Variants in RFWD3 observed in about 807,000 individuals in gnomAD.
The protein encoded by RFWD3 is ring finger and WD repeat domain 3, also known as E3 ubiquitin-protein ligase RFWD3.
Under a neutral mutation model 87.7 loss-of-function variants are expected in RFWD3, and 65 were observed. The ratio of observed to expected loss-of-function variants is 0.74; its 90% CI spans 0.61 to 0.91. RFWD3 has a LOEUF of 0.91. Among genes scored for constraint, RFWD3 ranks in the 40% least tolerant of loss-of-function variants. The pLI is 0.00. For missense variants in RFWD3, 1,078 were observed against 938.5 expected (o/e 1.15, Z -1.94); for synonymous variants, 433 against 352.8 (o/e 1.23, Z -2.55).
At chr16:74,660,710 GCCAACAAACTA>G in intron 2 of RFWD3, 2 of 534,456 alleles carry the variant, frequency 3.7e-6, no homozygotes, top group East Asian at 6.4e-5. Context: ...TACAGAGATT[GCCAACAAACTA>G]CCACCTAGTT....
chr16:74,648,414 C>CA (rs1960325871), intron 4 of RFWD3, among the ~76,000 whole-genome samples: 1 of 151,298 alleles, frequency 6.6e-6, no homozygotes, highest in South Asian at 2.1e-4. Flanking sequence ...CTTGGCCTCC[C>CA]AAAGTGCTGG....
chr16:74,632,711 A>C (rs1017872306), intron 8 of RFWD3, 38 bp from the exon 9 acceptor site: 2 of 1,605,090 alleles, frequency 1.2e-6, no homozygotes, highest in African/African-American at 2.7e-5. Context: ...GATCACTGAA[A>C]GTGAACCTAG....
rs1567582753 is a variant in RFWD3, at chr16:74,652,123, C to T, written c.519-1G>A. The T allele has an allele frequency of 1.9e-6, 3 of 1,613,506 alleles. No individual in the cohort carries two copies. Among genetic ancestry groups the T allele is most frequent in the Non-Finnish European group, 8.5e-7 (1 of 1,179,646 alleles). ...GTAAGCATCCAATGGTGCTCTCAAC[C>T]TATGTACACAGAAAGACAACGGAAT... On this transcript the variant is annotated splice_acceptor_variant, in intron 2 of 12. Coordinates refer to ENST00000361070, the MANE Select transcript of RFWD3 (RefSeq NM_018124.4). LOFTEE classifies it high-confidence loss of function.
rs1483829901 is a variant in RFWD3 at position 74,660,807 on chromosome 16, G to C, written c.518+125C>G. 4.0e-6 allele frequency: 4 copies of C among 1,008,358 alleles called. No individual in the cohort carries two copies. In the East Asian group the frequency reaches 9.6e-5, roughly 24 times the overall value. The allele number at this position is 1,008,358 out of a possible 1,614,324, so 62.5% of individuals were successfully genotyped here. On this transcript the variant is annotated intron_variant, in intron 2 of 12. Transcript: ENST00000361070. ...CAAGCACTTTTATTTCCACCTATGA[G>C]GAACTGGGGGTCAGAAGTTACCTGA...
At chr16:74,666,598 G>C (rs897716951) in intron 1 of RFWD3, 188 bp downstream of exon 1, 1 of 152,260 alleles carries the variant, frequency 6.6e-6, no homozygotes, top group Non-Finnish European at 1.5e-5. Context: ...GCGGGGGTTC[G>C]GGCTCCTTAG....
intron 3 of RFWD3, among the ~76,000 whole-genome samples, chr16:74,650,807 G>T (rs1960504873): frequency 6.6e-6 from 1 of 151,854 alleles, no homozygotes; most frequent in Non-Finnish European, 1.5e-5. Context: ...AGCCTGGGAG[G>T]TCAAGGCTGC....
At position 74,644,686 on chromosome 16, in the gene RFWD3, T is replaced by A. The variant is rs371419710; in HGVS notation, c.842A>T (p.Glu281Val). ...EPLLPSASMD[E>V]EEGDTCTICL... Reference sequence around the variant, plus strand: ...TATTGTACAAGTGTCCCCTTCTTCCTCATCCATAGAAGCAGAAGGTAGCAG... The same window carrying A: ...TATTGTACAAGTGTCCCCTTCTTCCACATCCATAGAAGCAGAAGGTAGCAG... The change falls in exon 5 of 13, where the codon GAG (glutamate) becomes GTG (valine). Residue 281 changes from glutamate (E) to valine (V), a missense_variant. By Grantham distance (121) the Glu-to-Val change is moderately radical. Coordinates refer to ENST00000361070, the MANE Select transcript of RFWD3 (RefSeq NM_018124.4). 6.2e-7 allele frequency: 1 copy of A among 1,614,194 alleles called. No individual in the cohort carries two copies. The highest frequency in any genetic ancestry group is 8.5e-7 in the Non-Finnish European group (1 of 1,180,030).
intron 4 of RFWD3, 73 bp from the exon 5 acceptor site, chr16:74,644,808 A>G: frequency 7.0e-7 from 1 of 1,435,446 alleles, no homozygotes; most frequent in Admixed American, 2.1e-5. Context: ...TGCAACTAAG[A>G]AATTAACAGA....
chr16:74,644,184 A>T (rs1959915972), intron 6 of RFWD3, 178 bp downstream of exon 6: 1 of 665,030 alleles, frequency 1.5e-6, no homozygotes, highest in Non-Finnish European at 2.7e-6. Flanking sequence ...CTTCCTTAAG[A>T]AGATGATCAG....
rs370953400 is a variant in RFWD3 at position 74,639,263 on chromosome 16, C to A, written c.1080-1293G>T. ...ATGTTGCCCAGGCTGGTCTCAAACT[C>A]CTGGCCTCAAGTGATCCACCTGCCT... is the stretch of plus-strand genomic sequence containing the variant. On this transcript the variant is annotated intron_variant, in intron 6 of 12. Coordinates refer to ENST00000361070, the MANE Select transcript of RFWD3 (RefSeq NM_018124.4). 3.9e-5 allele frequency among the ~76,000 whole-genome samples: 6 copies of A among 152,270 alleles called. No homozygotes were observed. The South Asian group carries it at 8.3e-4, about 21-fold the overall frequency.
chr16:74,666,451 G>A (rs1027835739), intron 1 of RFWD3: 2 of 152,248 alleles, frequency 1.3e-5, no homozygotes, highest in Non-Finnish European at 2.9e-5. Context: ...AGGAGCCCGA[G>A]GCTAGGCTCT....
At chr16:74,655,955 T>C (rs1434384945) in intron 2 of RFWD3, among the ~76,000 whole-genome samples, 1 of 152,204 alleles carries the variant, frequency 6.6e-6, no homozygotes, top group Admixed American at 6.5e-5. Context: ...AATATATTAC[T>C]GCTCATTGAC....
Position 74,644,682 on chromosome 16 carries a change from T to C in RFWD3, c.846A>G (p.Glu282=), listed in dbSNP as rs1198521479. Residue 282 remains glutamate (E), a synonymous_variant, in exon 5 of 13, where the codon GAA becomes GAG. Coordinates refer to ENST00000361070, the MANE Select transcript of RFWD3 (RefSeq NM_018124.4). ...GACATATTGTACAAGTGTCCCCTTC[T>C]TCCTCATCCATAGAAGCAGAAGGTA... is the stretch of plus-strand genomic sequence containing the variant. The part of the protein sequence containing the change: ...PLLPSASMDE[E]EGDTCTICLE... The C allele has an allele frequency of 6.2e-7, 1 of 1,614,226 alleles. No homozygotes were observed. Among genetic ancestry groups the C allele is most frequent in the Admixed American group, 1.7e-5 (1 of 60,016 alleles).
intron 11 of RFWD3, among the ~76,000 whole-genome samples, chr16:74,626,928 C>G (rs1292398398): frequency 6.6e-6 from 1 of 152,142 alleles, no homozygotes; most frequent in Non-Finnish European, 1.5e-5. Context: ...CAGTGAGAAC[C>G]TCATTAGCCC....
At chr16:74,631,266 T>C (rs1959084127) in intron 9 of RFWD3, among the ~76,000 whole-genome samples, 1 of 152,154 alleles carries the variant, frequency 6.6e-6, no homozygotes, top group African/African-American at 2.4e-5. Context: ...GACAGATCAC[T>C]TGAGGTCAGG....
intron 2 of RFWD3, 143 bp from the exon 3 acceptor site, chr16:74,652,265 G>A: frequency 2.9e-6 from 2 of 699,332 alleles, no homozygotes; most frequent in East Asian, 5.4e-5. Context: ...AGCAGGTATA[G>A]CAGATAAGGG....
chr16:74,649,054 C>T, intron 4 of RFWD3, 78 bp downstream of exon 4: 2 of 928,804 alleles, frequency 2.2e-6, no homozygotes, highest in Non-Finnish European at 3.1e-6. Context: ...TGCACTCTAG[C>T]CTGGGTGAGA....
Position 74,638,042 on chromosome 16 carries a change from T to G in RFWD3, c.1080-72A>C, listed in dbSNP as rs1039372425. The G allele has an allele frequency of 7.4e-6, 7 of 940,440 alleles. No individual in the cohort carries two copies. The Admixed American group carries it at 1.4e-4, about 19-fold the overall frequency. The allele number at this position is 940,440 out of a possible 1,614,324, so 58.3% of individuals were successfully genotyped here. ...AAGACTTCCCATCCAGGTGGCAGAG[T>G]TAAGTTCATGCTATGATGCACGTTC... On this transcript the variant is annotated intron_variant, in intron 6 of 12. Transcript: ENST00000361070.
intron 1 of RFWD3, among the ~76,000 whole-genome samples, chr16:74,663,340 T>C (rs79333582): frequency 0.13 from 19,201 of 152,046 alleles, 1,494 homozygotes; most frequent in Admixed American, 0.24. Context: ...TTAAGGAAGA[T>C]TATAAAGTAG....
Sources: allele counts gnomAD v4.1 joint callset (sites outside exome capture counted in the v4.1 genomes callset), GRCh38; gene constraint gnomAD v4.1.1; transcripts MANE v1.5; gene names NCBI Gene and HGNC (gene_info 2026-07-23, HGNC 2026-07-21).